CNTN5: variants seen among roughly 807,000 people sequenced by gnomAD.
CNTN5 encodes the protein contactin-5.
Under a neutral mutation model 129.1 loss-of-function variants are expected in CNTN5, and 77 were observed. The observed-to-expected ratio is 0.60, with a 90% CI of 0.50 to 0.72. CNTN5 has a LOEUF of 0.72. CNTN5 is among the 30% of genes least tolerant of loss of function. The probability of loss-of-function intolerance (pLI) is 0.00; values close to 1 mark genes in which losing one functional copy is unlikely to be tolerated. For synonymous variants in CNTN5, 509 were observed against 465.6 expected, an observed-to-expected ratio of 1.09 and a Z score of -1.20; for missense variants, 1,478 against 1,328.8, an observed-to-expected ratio of 1.11 and a Z score of -1.75.
chr11:99,690,028 G>A (rs1391491471), intron 3 of CNTN5, among the ~76,000 whole-genome samples: 2 of 152,072 alleles, frequency 1.3e-5, no homozygotes, highest in Admixed American at 1.3e-4. Context: ...GAATGATACT[G>A]CCTAGTTTTC....
chr11:100,262,861 C>A (rs1950230741), intron 17 of CNTN5, among the ~76,000 whole-genome samples: 1 of 151,958 alleles, frequency 6.6e-6, no homozygotes, highest in African/African-American at 2.4e-5. Context: ...ATGGGTGCAG[C>A]AAACCACCAT....
At chr11:100,076,909 T>C (rs1027495349) in intron 13 of CNTN5, among the ~76,000 whole-genome samples, 1 of 152,112 alleles carries the variant, frequency 6.6e-6, no homozygotes, top group Non-Finnish European at 1.5e-5. Context: ...AAAAATGTAG[T>C]TCACTACAAA....
intron 8 of CNTN5, among the ~76,000 whole-genome samples, chr11:99,962,584 T>G (rs1950978938): frequency 6.6e-6 from 1 of 151,394 alleles, no homozygotes; most frequent in African/African-American, 2.4e-5. Flanking sequence ...TGGTTCCAAG[T>G]CTTTGCTATT....
chr11:100,250,362 T>C (rs1949939188), intron 16 of CNTN5, among the ~76,000 whole-genome samples: 1 of 152,142 alleles, frequency 6.6e-6, no homozygotes, highest in Non-Finnish European at 1.5e-5. Flanking sequence ...CTCTATCCTT[T>C]CTTCCTTTAT....
intron 13 of CNTN5, among the ~76,000 whole-genome samples, chr11:100,088,220 A>AT (rs1944629119): frequency 6.6e-6 from 1 of 151,834 alleles, no homozygotes; most frequent in Admixed American, 6.6e-5. Flanking sequence ...TCAAGAAAAA[A>AT]TGGATAAATT....
At chr11:99,905,715 A>T (rs554610074) in intron 6 of CNTN5, among the ~76,000 whole-genome samples, 1 of 152,104 alleles carries the variant, frequency 6.6e-6, no homozygotes, top group Admixed American at 6.5e-5. Context: ...CATTGAATCT[A>T]CACATTACTT....
chr11:100,157,533 C>T (rs1431232042), intron 13 of CNTN5, among the ~76,000 whole-genome samples: 1 of 151,002 alleles, frequency 6.6e-6, no homozygotes, highest in Non-Finnish European at 1.5e-5. Flanking sequence ...TCCCAAGTCT[C>T]AACAGTGTTT....
At chr11:99,251,116 C>A (rs574252442) in intron 1 of CNTN5, among the ~76,000 whole-genome samples, 1 of 152,024 alleles carries the variant, frequency 6.6e-6, no homozygotes, top group South Asian at 2.1e-4. Flanking sequence ...TATAGATTGC[C>A]ATTCACCTTT....
At chr11:99,675,087 C>G (rs1348334016) in intron 3 of CNTN5, among the ~76,000 whole-genome samples, 9 of 152,068 alleles carry the variant, frequency 5.9e-5, no homozygotes, top group Non-Finnish European at 1.3e-4. Context: ...GTCCTTTGCT[C>G]AGAGCAAATC....
At chr11:99,711,433 T>G (rs1010414342) in intron 3 of CNTN5, among the ~76,000 whole-genome samples, 22 of 151,914 alleles carry the variant, frequency 1.4e-4, no homozygotes, top group African/African-American at 4.6e-4. Context: ...TATAAAGTAT[T>G]TTTCTTCCAG....
chr11:100,081,745 C>G (rs2137933163), intron 13 of CNTN5, among the ~76,000 whole-genome samples: 1 of 152,236 alleles, frequency 6.6e-6, no homozygotes, highest in Non-Finnish European at 1.5e-5. Flanking sequence ...TCTAATTTTT[C>G]AGGAGTAAAT....
intron 6 of CNTN5, among the ~76,000 whole-genome samples, chr11:99,875,969 T>C (rs1461755722): frequency 6.6e-6 from 1 of 152,132 alleles, no homozygotes; most frequent in Non-Finnish European, 1.5e-5. Context: ...ACTCTAACCC[T>C]GGAGAGTTAG....
intron 8 of CNTN5, among the ~76,000 whole-genome samples, chr11:99,964,009 G>C (rs1349150853): frequency 2.0e-5 from 3 of 152,176 alleles, no homozygotes; most frequent in South Asian, 2.1e-4. Flanking sequence ...CACTGATTTT[G>C]TATGCCGAGA....
chr11:99,617,315 AC>A (rs1950792403), intron 3 of CNTN5, among the ~76,000 whole-genome samples: 1 of 152,206 alleles, frequency 6.6e-6, no homozygotes, highest in Non-Finnish European at 1.5e-5. Context: ...GGGGATGGTG[AC>A]AGGTATGTTT....
At position 99,046,831 on chromosome 11, in the gene CNTN5, C is replaced by T. The variant is rs116717903; in HGVS notation, c.-210+25561C>T. Among the ~76,000 whole-genome samples the T allele has an allele frequency of 4.9e-3, 738 of 151,936 alleles. 5 individuals carry two copies. The highest frequency in any genetic ancestry group is 0.017 in the African/African-American group (704 of 41,478). ...TAATAATGCAATAAATATAACTTGC[C>T]CATTGCTATATTATAAATTGTCAGG... On this transcript the variant is annotated intron_variant, in intron 1 of 24. Coordinates refer to ENST00000524871, the MANE Select transcript of CNTN5 (RefSeq NM_014361.4).
At chr11:99,851,526 G>A (rs1414350149) in intron 6 of CNTN5, among the ~76,000 whole-genome samples, 1 of 152,156 alleles carries the variant, frequency 6.6e-6, no homozygotes, top group Non-Finnish European at 1.5e-5. Context: ...GCTCGTAGCA[G>A]TTTCTCCACA....
intron 1 of CNTN5, among the ~76,000 whole-genome samples, chr11:99,271,921 T>C (rs1158664508): frequency 1.3e-5 from 2 of 151,882 alleles, no homozygotes; most frequent in African/African-American, 4.8e-5. Context: ...TTCACGATGT[T>C]CAGCCTGTTA....
intron 2 of CNTN5, among the ~76,000 whole-genome samples, chr11:99,349,575 A>C (rs186992943): frequency 2.0e-5 from 3 of 152,172 alleles, no homozygotes; most frequent in Admixed American, 6.5e-5. Context: ...TTATAAATAC[A>C]CCATGGTGTA....
intron 18 of CNTN5, among the ~76,000 whole-genome samples, chr11:100,286,047 T>A (rs570979): frequency 6.6e-6 from 1 of 151,748 alleles, no homozygotes; most frequent in South Asian, 2.1e-4. Context: ...GCTTTTCCGA[T>A]AGGCTTAAAA....
Sources: gnomAD v4.1 joint callset for allele counts (sites outside exome capture counted in the v4.1 genomes callset) on GRCh38, gnomAD v4.1.1 for gene constraint, MANE v1.5 for transcripts, NCBI Gene and HGNC (gene_info 2026-07-23, HGNC 2026-07-21) for gene names.